GLG1: variants seen among roughly 807,000 people sequenced by gnomAD.
GLG1 encodes golgi glycoprotein 1, also known as Golgi apparatus protein 1.
A neutral mutation model predicts 160.5 loss-of-function variants in GLG1; 38 were observed. That is an observed-to-expected ratio of 0.24 (90% confidence interval 0.18 to 0.31). The LOEUF (loss-of-function observed/expected upper bound fraction) is 0.31, where lower values mean the gene tolerates loss of function less well. Among genes scored for constraint, GLG1 ranks in the 10% least tolerant of loss-of-function variants. The pLI, the probability that GLG1 is intolerant of heterozygous loss-of-function variation, is 1.00. For missense variants in GLG1, 1,373 were observed against 1,505.2 expected (o/e 0.91, Z 1.45); for synonymous variants, 644 against 543.4 (o/e 1.19, Z -2.57).
chr16:74,452,392 C>T lies in GLG1; in HGVS notation c.*775G>A. 3 of 1,241,492 alleles carry T rather than the reference C, an allele frequency of 2.4e-6. No individual in the cohort carries two copies. The highest frequency in any genetic ancestry group is 3.1e-6 in the Non-Finnish European group (3 of 982,548). 76.9% of individuals were successfully genotyped at this position (1,241,492 alleles called of 1,614,324 possible). ...CAGTGCAGATGGATGGACTGTTCAA[C>T]TTCACAAACTTCCGGTCCCTTCCCC... On this transcript the variant is annotated 3_prime_UTR_variant, in exon 26 of 26. Coordinates refer to ENST00000422840, the MANE Select transcript of GLG1 (RefSeq NM_001145667.2).
intron 2 of GLG1, among the ~76,000 whole-genome samples, chr16:74,524,222 A>G (rs1231209454): frequency 6.6e-6 from 1 of 152,152 alleles, no homozygotes; most frequent in Non-Finnish European, 1.5e-5. Flanking sequence ...ACAAAAAAAA[A>G]GAATAAAAAA....
chr16:74,467,456 C>T (rs2015041177), intron 18 of GLG1, among the ~76,000 whole-genome samples: 1 of 152,122 alleles, frequency 6.6e-6, no homozygotes, highest in African/African-American at 2.4e-5. Context: ...GAGAATGCTA[C>T]AGAGGAGGAG....
intron 22 of GLG1, chr16:74,461,837 A>C (rs1443356804): frequency 3.0e-6 from 1 of 338,090 alleles, no homozygotes. Context: ...GGGAAGAACA[A>C]ATTTACAGAG....
chr16:74,587,454 C>G (rs888892042), intron 1 of GLG1, among the ~76,000 whole-genome samples: 1 of 152,162 alleles, frequency 6.6e-6, no homozygotes, highest in Non-Finnish European at 1.5e-5. Context: ...GAGGGATCCC[C>G]TTGAATCTAA....
chr16:74,536,113 GA>G (rs1597321628), intron 1 of GLG1, among the ~76,000 whole-genome samples: 2 of 152,186 alleles, frequency 1.3e-5, no homozygotes, highest in African/African-American at 2.4e-5. Flanking sequence ...CCAATGAACA[GA>G]AATCTCAAGG....
chr16:74,470,154 C>T, intron 15 of GLG1, 81 bp from the exon 16 acceptor site: 3 of 799,220 alleles, frequency 3.8e-6, no homozygotes, highest in Non-Finnish European at 6.6e-6. Flanking sequence ...TTTCATATAG[C>T]TCTCACAAGC....
chr16:74,553,921 T>C (rs572434540), intron 1 of GLG1, among the ~76,000 whole-genome samples: 7 of 152,370 alleles, frequency 4.6e-5, no homozygotes, highest in African/African-American at 1.4e-4. Context: ...AGCTCTTTAA[T>C]AGAAGTAGCT....
intron 2 of GLG1, among the ~76,000 whole-genome samples, chr16:74,527,650 AC>A (rs1043463844): frequency 9.2e-5 from 14 of 151,968 alleles, no homozygotes; most frequent in Non-Finnish European, 1.8e-4. Context: ...TGATCCTTTT[AC>A]CTTCAAGAAT....
chr16:74,495,466 C>T (rs929490604), intron 5 of GLG1, among the ~76,000 whole-genome samples: 1 of 152,194 alleles, frequency 6.6e-6, no homozygotes, highest in African/African-American at 2.4e-5. Context: ...ACTCTTACAT[C>T]AGTGGCTCTG....
chr16:74,588,116 G>T (rs1958093622), intron 1 of GLG1, among the ~76,000 whole-genome samples: 1 of 151,130 alleles, frequency 6.6e-6, no homozygotes. Flanking sequence ...TTGGTGGGGG[G>T]ATTAAAAACA....
chr16:74,484,719 T>G (rs547215843), intron 9 of GLG1, among the ~76,000 whole-genome samples: 1 of 151,584 alleles, frequency 6.6e-6, no homozygotes, highest in African/African-American at 2.4e-5. Flanking sequence ...CTAAGCGAGA[T>G]TGCGCCACTG....
In GLG1 at chr16:74,463,465, T is replaced by C; in HGVS notation, c.2682A>G (p.Glu894=). 1.9e-6 allele frequency: 3 copies of C among 1,614,032 alleles called. No homozygotes were observed. The highest frequency in any genetic ancestry group is 1.3e-5 in the African/African-American group (1 of 75,056). ...ACTGCAACATGGTTTTAGAATCTGCTTCCGGACAGAACCTCTGCAAAGAAA... is the reference window on the plus strand; with the variant it reads ...ACTGCAACATGGTTTTAGAATCTGCCTCCGGACAGAACCTCTGCAAAGAAA... ...CKQMIKRFCP[E]ADSKTMLQCL... Residue 894 remains glutamate, a synonymous_variant, in exon 20 of 26, where the codon GAA becomes GAG. Transcript: ENST00000422840.
intron 1 of GLG1, among the ~76,000 whole-genome samples, chr16:74,603,141 A>T (rs1567552553): frequency 6.6e-6 from 1 of 151,828 alleles, no homozygotes; most frequent in East Asian, 1.9e-4. Context: ...GCCAGGCGCA[A>T]TAGCTCATGA....
At position 74,452,432 on chromosome 16, in the gene GLG1, T is replaced by TA; in HGVS notation, c.*734_*735insT. The TA allele has an allele frequency of 1.7e-6, 2 of 1,147,636 alleles. No individual in the cohort carries two copies. Among genetic ancestry groups the TA allele is most frequent in the South Asian group, 5.2e-5 (2 of 38,482 alleles). 71.1% of individuals were successfully genotyped at this position (1,147,636 alleles called of 1,614,324 possible). A position where few individuals can be genotyped will look rare whatever the true frequency, so the allele number is the denominator to read the frequency against. Reference sequence around the variant, plus strand: ...GTCCCTTCCCCTCCCCAGCTGCCCTTGTCTAGGAAGGCTCATGCTTTGCTT... The same window carrying TA: ...GTCCCTTCCCCTCCCCAGCTGCCCTTAGTCTAGGAAGGCTCATGCTTTGCTT... On this transcript the variant is annotated 3_prime_UTR_variant, in exon 26 of 26. Coordinates refer to ENST00000422840, the MANE Select transcript of GLG1 (RefSeq NM_001145667.2).
At chr16:74,566,709 A>G (rs1037432086) in intron 1 of GLG1, among the ~76,000 whole-genome samples, 1 of 152,260 alleles carries the variant, frequency 6.6e-6, no homozygotes, top group Middle Eastern at 3.4e-3. Flanking sequence ...TACTTTCAAA[A>G]GTATAATTTT....
chr16:74,455,312 G>A (rs1325542036), intron 25 of GLG1, among the ~76,000 whole-genome samples: 4 of 152,136 alleles, frequency 2.6e-5, no homozygotes, highest in Admixed American at 6.5e-5. Context: ...CTCATATCAC[G>A]TACACAGAAC....
intron 1 of GLG1, among the ~76,000 whole-genome samples, chr16:74,549,444 G>A (rs1395707648): frequency 5.9e-5 from 9 of 152,118 alleles, no homozygotes; most frequent in African/African-American, 9.7e-5. Flanking sequence ...CCGCCACCAC[G>A]CCCGGCTAAC....
Position 74,546,367 on chromosome 16 carries a change from C to A in GLG1, c.439-14214G>T, listed in dbSNP as rs548216353. Reference sequence around the variant, plus strand: ...CGCTGAGGTGGAAGGATCGCTTGAGCCCAGGAGATAGAGATTGCAGTAAGC... The same window carrying A: ...CGCTGAGGTGGAAGGATCGCTTGAGACCAGGAGATAGAGATTGCAGTAAGC... On this transcript the variant is annotated intron_variant, in intron 1 of 25. Coordinates refer to ENST00000422840, the MANE Select transcript of GLG1 (RefSeq NM_001145667.2). 2.0e-5 allele frequency among the ~76,000 whole-genome samples: 3 copies of A among 152,012 alleles called. No individual in the cohort carries two copies. The East Asian group carries it at 5.8e-4, about 30-fold the overall frequency.
chr16:74,540,066 A>ATAT (rs2017806525), intron 1 of GLG1, among the ~76,000 whole-genome samples: 1 of 1,102 alleles, frequency 9.1e-4, no homozygotes, highest in East Asian at 0.028. Flanking sequence ...TTTTATATAT[A>ATAT]TATATTATAT....
Sources: allele counts gnomAD v4.1 joint callset (sites outside exome capture counted in the v4.1 genomes callset), GRCh38; gene constraint gnomAD v4.1.1; transcripts MANE v1.5; gene names NCBI Gene and HGNC (gene_info 2026-07-23, HGNC 2026-07-21).